LRRC4C: variants seen among roughly 807,000 people sequenced by gnomAD.
LRRC4C encodes leucine rich repeat containing 4C.
LRRC4C carries 5 observed loss-of-function variants against 33.6 expected under a neutral mutation model. The ratio of observed to expected loss-of-function variants is 0.15; its 90% CI spans 0.08 to 0.31. The LOEUF (loss-of-function observed/expected upper bound fraction) is 0.31, where lower values mean the gene tolerates loss of function less well. Among genes scored for constraint, LRRC4C ranks in the 10% least tolerant of loss-of-function variants. The probability of loss-of-function intolerance (pLI) is 1.00; values close to 1 mark genes in which losing one functional copy is unlikely to be tolerated. For missense variants in LRRC4C, 560 were observed against 796.7 expected, an observed-to-expected ratio of 0.70 and a Z score of 3.58; for synonymous variants, 329 against 302.0, an observed-to-expected ratio of 1.09 and a Z score of -0.93.
intron 1 of LRRC4C, among the ~76,000 whole-genome samples, chr11:41,149,099 A>G (rs2135953400): frequency 6.6e-6 from 1 of 152,168 alleles, no homozygotes; most frequent in East Asian, 1.9e-4. Context: ...ATTTTTTCAG[A>G]AAAAAACAAA....
intron 3 of LRRC4C, among the ~76,000 whole-genome samples, chr11:40,321,589 GT>G (rs1243497977): frequency 6.6e-6 from 1 of 152,170 alleles, no homozygotes; most frequent in African/African-American, 2.4e-5. Flanking sequence ...TAGCAAGTCT[GT>G]TTAATCCCCA....
At chr11:40,859,557 A>G (rs1034909334) in intron 2 of LRRC4C, among the ~76,000 whole-genome samples, 14 of 152,294 alleles carry the variant, frequency 9.2e-5, no homozygotes, top group Admixed American at 7.8e-4. Flanking sequence ...CAAAAAGTTA[A>G]GCACAGAATG....
chr11:40,415,376 T>C (rs1380677639), intron 3 of LRRC4C, among the ~76,000 whole-genome samples: 1 of 152,154 alleles, frequency 6.6e-6, no homozygotes, highest in Non-Finnish European at 1.5e-5. Flanking sequence ...TGACATGCGG[T>C]GGTGCAATGG....
intron 3 of LRRC4C, among the ~76,000 whole-genome samples, chr11:40,520,191 G>A (rs750144343): frequency 5.3e-5 from 8 of 152,268 alleles, no homozygotes; most frequent in East Asian, 3.9e-4. Context: ...CATTGACAAC[G>A]CATTTAGTTA....
intron 1 of LRRC4C, among the ~76,000 whole-genome samples, chr11:41,003,334 G>A (rs1438515625): frequency 6.6e-6 from 1 of 152,074 alleles, no homozygotes; most frequent in Non-Finnish European, 1.5e-5. Flanking sequence ...AAAAATACAA[G>A]ACAGACATGG....
At chr11:41,071,248 AG>A (rs1356162187) in intron 1 of LRRC4C, among the ~76,000 whole-genome samples, 1 of 151,988 alleles carries the variant, frequency 6.6e-6, no homozygotes, top group Admixed American at 6.6e-5. Context: ...AGGGCCTATT[AG>A]GGGGTGGGAT....
intron 4 of LRRC4C, among the ~76,000 whole-genome samples, chr11:40,256,801 G>A (rs1867245057): frequency 6.6e-6 from 1 of 152,150 alleles, no homozygotes; most frequent in African/African-American, 2.4e-5. Flanking sequence ...ATGCTAGGCT[G>A]AGAATTGTGC....
At chr11:41,437,626 A>G (rs777786752) in intron 1 of LRRC4C, among the ~76,000 whole-genome samples, 1 of 152,090 alleles carries the variant, frequency 6.6e-6, no homozygotes, top group Non-Finnish European at 1.5e-5. Context: ...ATGTCTTTGT[A>G]TTTGTTAAGA....
chr11:40,893,873 C>T (rs898394433), intron 2 of LRRC4C, among the ~76,000 whole-genome samples: 1 of 151,842 alleles, frequency 6.6e-6, no homozygotes, highest in African/African-American at 2.4e-5. Context: ...GCATATATAT[C>T]TCTGCCTACT....
intron 4 of LRRC4C, among the ~76,000 whole-genome samples, chr11:40,290,359 T>C (rs1243838416): frequency 6.6e-6 from 1 of 152,200 alleles, no homozygotes; most frequent in Non-Finnish European, 1.5e-5. Flanking sequence ...TTTCAGGGAA[T>C]AAAACCATCT....
rs551284259 is a variant in LRRC4C, at chr11:41,323,861, T to C, written c.-496+135570A>G. On this transcript the variant is annotated intron_variant, in intron 1 of 6. Transcript: ENST00000528697. ...GGCAAATATCAAAGCAAGTATTGTA[T>C]TTTTTAAATTATATTTTATATAAGG... is the stretch of plus-strand genomic sequence containing the variant. Among the ~76,000 whole-genome samples the C allele has an allele frequency of 7.9e-5, 12 of 152,358 alleles. No homozygotes were observed. In the South Asian group the frequency reaches 2.3e-3, roughly 29 times the overall value.
chr11:40,437,010 G>A (rs922576992), intron 3 of LRRC4C, among the ~76,000 whole-genome samples: 1 of 152,148 alleles, frequency 6.6e-6, no homozygotes, highest in African/African-American at 2.4e-5. Flanking sequence ...GAGCAGTCAG[G>A]GATGAGCAGC....
chr11:40,295,190 G>C (rs1034268897), intron 4 of LRRC4C, among the ~76,000 whole-genome samples: 1 of 152,070 alleles, frequency 6.6e-6, no homozygotes, highest in African/African-American at 2.4e-5. Flanking sequence ...TGTTTACATT[G>C]GTTTCTTTCT....
chr11:40,311,362 G>T (rs962941980), intron 4 of LRRC4C, among the ~76,000 whole-genome samples: 2 of 152,144 alleles, frequency 1.3e-5, no homozygotes, highest in African/African-American at 4.8e-5. Flanking sequence ...ATCCTCCTGG[G>T]TAACCCTAGT....
intron 5 of LRRC4C, among the ~76,000 whole-genome samples, chr11:40,216,579 C>G (rs963610737): frequency 6.6e-6 from 1 of 151,888 alleles, no homozygotes; most frequent in Non-Finnish European, 1.5e-5. Flanking sequence ...GATTAAGAAG[C>G]GGAAAATGGG....
At chr11:41,196,443 G>T (rs981137435) in intron 1 of LRRC4C, among the ~76,000 whole-genome samples, 11 of 152,168 alleles carry the variant, frequency 7.2e-5, no homozygotes, top group African/African-American at 2.6e-4. Flanking sequence ...ACACAGTGAT[G>T]ATTTGCAGTT....
chr11:41,211,078 G>C (rs772186852), intron 1 of LRRC4C, among the ~76,000 whole-genome samples: 8 of 152,294 alleles, frequency 5.3e-5, no homozygotes, highest in Admixed American at 1.3e-4. Context: ...GTGCGGCCTA[G>C]TTCCTAACAG....
chr11:40,839,069 G>T (rs936392839), intron 2 of LRRC4C, among the ~76,000 whole-genome samples: 9 of 151,944 alleles, frequency 5.9e-5, no homozygotes, highest in African/African-American at 2.2e-4. Context: ...CATGTAATAT[G>T]TTTTTCAGCA....
At chr11:40,793,231 T>A (rs1287581405) in intron 2 of LRRC4C, among the ~76,000 whole-genome samples, 3 of 152,144 alleles carry the variant, frequency 2.0e-5, no homozygotes, top group African/African-American at 7.2e-5. Context: ...TCAAAAATAT[T>A]AAGAAAATAA....
Sources: allele counts gnomAD v4.1 joint callset (sites outside exome capture counted in the v4.1 genomes callset), GRCh38; gene constraint gnomAD v4.1.1; transcripts MANE v1.5; gene names NCBI Gene and HGNC (gene_info 2026-07-23, HGNC 2026-07-21).